Variants in ANKRD33B observed in about 807,000 individuals in gnomAD.
ANKRD33B encodes the protein ankyrin repeat domain 33B, also known as ankyrin repeat domain-containing protein 33B.
In ANKRD33B, 6 loss-of-function variants were observed where a neutral mutation model predicts 21.5. That is an observed-to-expected ratio of 0.28 (90% CI 0.15 to 0.55). ANKRD33B has a LOEUF of 0.55. ANKRD33B is among the 20% of genes least tolerant of loss of function. The pLI is 0.94. For missense variants in ANKRD33B, 698 were observed against 747.2 expected, an observed-to-expected ratio of 0.93 and a Z score of 0.77; for synonymous variants, 347 against 342.4, an observed-to-expected ratio of 1.01 and a Z score of -0.15.
At chr5:10,571,965 T>C (rs1735205112) in intron 1 of ANKRD33B, among the ~76,000 whole-genome samples, 1 of 151,512 alleles carries the variant, frequency 6.6e-6, no homozygotes, top group Non-Finnish European at 1.5e-5. Flanking sequence ...CTCGGCTCAC[T>C]GCAACCTCTG....
intron 3 of ANKRD33B, among the ~76,000 whole-genome samples, chr5:10,639,496 G>A (rs1736967924): frequency 9.7e-5 from 1 of 10,266 alleles, no homozygotes; most frequent in Admixed American, 7.6e-4. Context: ...GTTGCGCGGC[G>A]ATGTTAGCGG....
chr5:10,570,903 C>CTTTTTT (rs11301499), intron 1 of ANKRD33B, among the ~76,000 whole-genome samples: 2 of 126,844 alleles, frequency 1.6e-5, no homozygotes, highest in African/African-American at 6.0e-5. Context: ...CTCAAATAAC[C>CTTTTTT]TTTTTTTTTT....
intron 1 of ANKRD33B, among the ~76,000 whole-genome samples, chr5:10,574,263 G>A (rs1269118832): frequency 1.3e-5 from 2 of 152,150 alleles, no homozygotes; most frequent in Non-Finnish European, 2.9e-5. Context: ...TTTACATATG[G>A]AATTATCTTG....
chr5:10,582,507 G>C (rs543424981), intron 1 of ANKRD33B, among the ~76,000 whole-genome samples: 1 of 152,216 alleles, frequency 6.6e-6, no homozygotes, highest in Non-Finnish European at 1.5e-5. Flanking sequence ...GCCACTTCTA[G>C]ATTTATCTTC....
At chr5:10,606,762 T>C (rs998873337) in intron 1 of ANKRD33B, among the ~76,000 whole-genome samples, 1 of 148,298 alleles carries the variant, frequency 6.7e-6, no homozygotes, top group African/African-American at 2.5e-5. Context: ...GGAGTCTTGC[T>C]CTGTCGCCCA....
intron 2 of ANKRD33B, among the ~76,000 whole-genome samples, chr5:10,627,021 G>A (rs544887313): frequency 1.1e-4 from 16 of 152,300 alleles, no homozygotes; most frequent in Non-Finnish European, 1.5e-4. Context: ...GTACGAATTC[G>A]GATGCAAATG....
At chr5:10,568,000 C>T (rs1047872084) in intron 1 of ANKRD33B, among the ~76,000 whole-genome samples, 1 of 152,212 alleles carries the variant, frequency 6.6e-6, no homozygotes, top group African/African-American at 2.4e-5. Context: ...CTCTTCATCT[C>T]TGGGCATTTA....
rs77379792 is a variant in ANKRD33B, at chr5:10,577,030, G to C, written c.366+12197G>C. Reference sequence around the variant, plus strand: ...GTTTTTCAAGAAGGGGGAGGAAGCTGGTGCCGGGGATGGTCACAAGCCTTT... The same window carrying C: ...GTTTTTCAAGAAGGGGGAGGAAGCTCGTGCCGGGGATGGTCACAAGCCTTT... On this transcript the variant is annotated intron_variant, in intron 1 of 3. Transcript: ENST00000296657. Among the ~76,000 whole-genome samples the C allele has an allele frequency of 4.5e-3, 681 of 152,258 alleles. 6 individuals are homozygous for C. Among genetic ancestry groups the C allele is most frequent in the African/African-American group, 0.016 (659 of 41,538 alleles).
chr5:10,656,544 C>T lies in ANKRD33B; in HGVS notation c.*6431C>T, dbSNP rs1190552767. ...CCCAGGCAGTGTCAGATGGAACCTG[C>T]TTTGATGGCGTGTTGTTCAGTGTAC... On this transcript the variant is annotated 3_prime_UTR_variant, in exon 4 of 4. Coordinates refer to ENST00000296657, the MANE Select transcript of ANKRD33B (RefSeq NM_001164440.2). 2.6e-5 allele frequency: 4 copies of T among 152,396 alleles called. No homozygotes were observed. The highest frequency in any genetic ancestry group is 2.1e-4 in the South Asian group (1 of 4,832). 9.4% of individuals were successfully genotyped at this position (152,396 alleles called of 1,614,324 possible). A position where few individuals can be genotyped will look rare whatever the true frequency, so the allele number is the denominator to read the frequency against.
intron 1 of ANKRD33B, among the ~76,000 whole-genome samples, chr5:10,608,904 C>T (rs959353034): frequency 4.6e-5 from 7 of 152,248 alleles, no homozygotes; most frequent in Non-Finnish European, 7.3e-5. Context: ...GAGGCACCTA[C>T]TCTCTGTGGT....
chr5:10,590,250 A>G lies in ANKRD33B; in HGVS notation c.366+25417A>G, dbSNP rs538344573. On this transcript the variant is annotated intron_variant, in intron 1 of 3. Coordinates refer to ENST00000296657, the MANE Select transcript of ANKRD33B (RefSeq NM_001164440.2). ...GCCCTGTCTCCTGATACATCTGGTA[A>G]TTTTTGGAATGCTAGACATTGTGTA... Among the ~76,000 whole-genome samples the G allele has an allele frequency of 2.0e-5, 3 of 152,098 alleles. No individual in the cohort carries two copies. In the South Asian group the frequency reaches 6.2e-4, roughly 32 times the overall value.
chr5:10,630,737 G>A (rs112587877), intron 2 of ANKRD33B, among the ~76,000 whole-genome samples: 134 of 152,292 alleles, frequency 8.8e-4, no homozygotes, highest in African/African-American at 3.1e-3. Flanking sequence ...GCCAGGCACG[G>A]TGGCTCATGC....
At chr5:10,615,931 C>T (rs184858655) in intron 1 of ANKRD33B, among the ~76,000 whole-genome samples, 8 of 152,276 alleles carry the variant, frequency 5.3e-5, no homozygotes, top group Admixed American at 2.0e-4. Context: ...CCCAAAGAGG[C>T]TGAAAACCTC....
At chr5:10,570,728 T>A (rs918141732) in intron 1 of ANKRD33B, among the ~76,000 whole-genome samples, 3 of 151,940 alleles carry the variant, frequency 2.0e-5, no homozygotes, top group Admixed American at 2.0e-4. Flanking sequence ...GGCTAATTTT[T>A]ATTTATTTTT....
rs1219063331 is a variant in ANKRD33B at position 10,575,103 on chromosome 5, C to A, written c.366+10270C>A. Among the ~76,000 whole-genome samples the A allele has an allele frequency of 5.9e-5, 3 of 51,258 alleles. 1 individual carries two copies. Among genetic ancestry groups the A allele is most frequent in the African/African-American group, 1.2e-4 (3 of 24,748 alleles). 33.6% of individuals were successfully genotyped at this position (51,258 alleles called of 152,430 possible). ...ACCCTGTTTCCAAGAAACAAACAAA[C>A]AAACAAACAAACAATTCTCACTTAA... On this transcript the variant is annotated intron_variant, in intron 1 of 3. Coordinates refer to ENST00000296657, the MANE Select transcript of ANKRD33B (RefSeq NM_001164440.2).
At chr5:10,643,328 A>G (rs933452978) in intron 3 of ANKRD33B, among the ~76,000 whole-genome samples, 4 of 151,982 alleles carry the variant, frequency 2.6e-5, no homozygotes, top group African/African-American at 9.7e-5. Context: ...TGACTGTAGC[A>G]CCTCTTCAGT....
At chr5:10,587,233 T>G (rs895944569) in intron 1 of ANKRD33B, among the ~76,000 whole-genome samples, 1 of 152,014 alleles carries the variant, frequency 6.6e-6, no homozygotes, top group African/African-American at 2.4e-5. Context: ...CAGGTTGATC[T>G]CGAACTCCTG....
chr5:10,655,666 CA>C lies in ANKRD33B; in HGVS notation c.*5554del, dbSNP rs1185349093. ...CAGCTCCTGGACACTACTAGTCTTT[CA>C]CATGATAAAGCGCGAGCACTTTTTC... On this transcript the variant is annotated 3_prime_UTR_variant, in exon 4 of 4. Coordinates refer to ENST00000296657, the MANE Select transcript of ANKRD33B (RefSeq NM_001164440.2). 7 of 152,402 alleles carry C rather than the reference CA, an allele frequency of 4.6e-5. No homozygotes were observed. The highest frequency in any genetic ancestry group is 1.7e-4 in the African/African-American group (7 of 41,468). The allele number at this position is 152,402 out of a possible 1,614,324, so 9.4% of individuals were successfully genotyped here.
intron 1 of ANKRD33B, among the ~76,000 whole-genome samples, chr5:10,612,098 A>G (rs186097582): frequency 4.7e-4 from 71 of 152,338 alleles, no homozygotes; most frequent in African/African-American, 1.7e-3. Flanking sequence ...TGTTGAAGCA[A>G]TCAACTGGTG....
Sources: allele counts gnomAD v4.1 joint callset (sites outside exome capture counted in the v4.1 genomes callset), GRCh38; gene constraint gnomAD v4.1.1; transcripts MANE v1.5; gene names NCBI Gene and HGNC (gene_info 2026-07-23, HGNC 2026-07-21).